Variants in TMEM132D observed in about 807,000 individuals in gnomAD.
TMEM132D encodes transmembrane protein 132D, also known as mature OL transmembrane protein.
TMEM132D carries 21 observed loss-of-function variants against 62.3 expected under a neutral mutation model. The observed-to-expected ratio is 0.34, with a 90% CI of 0.24 to 0.49. The LOEUF (loss-of-function observed/expected upper bound fraction) is 0.49. Among genes scored for constraint, TMEM132D ranks in the 20% least tolerant of loss-of-function variants. TMEM132D has a pLI of 0.99. For missense variants in TMEM132D, 1,346 were observed against 1,402.8 expected, an observed-to-expected ratio of 0.96 and a Z score of 0.65; for synonymous variants, 621 against 575.6, an observed-to-expected ratio of 1.08 and a Z score of -1.13.
chr12:129,577,835 T>C (rs1877719920), intron 2 of TMEM132D, among the ~76,000 whole-genome samples: 4 of 152,234 alleles, frequency 2.6e-5, no homozygotes, highest in Admixed American at 2.6e-4. Flanking sequence ...AGAGAATAGT[T>C]AATCGTATGT....
chr12:129,783,185 T>G (rs1040137284), intron 1 of TMEM132D, among the ~76,000 whole-genome samples: 1 of 152,176 alleles, frequency 6.6e-6, no homozygotes, highest in African/African-American at 2.4e-5. Flanking sequence ...CACATTTACA[T>G]GCACAGATCT....
chr12:129,708,272 A>G (rs1881552530), intron 1 of TMEM132D, among the ~76,000 whole-genome samples: 1 of 152,166 alleles, frequency 6.6e-6, no homozygotes, highest in African/African-American at 2.4e-5. Flanking sequence ...TTATCTAGCC[A>G]ATCAAATAAG....
intron 5 of TMEM132D, among the ~76,000 whole-genome samples, chr12:129,095,022 G>A (rs575762531): frequency 6.8e-5 from 10 of 147,946 alleles, no homozygotes; most frequent in African/African-American, 2.5e-4. Flanking sequence ...TCACACACCA[G>A]GGCCTGTCGT....
intron 4 of TMEM132D, among the ~76,000 whole-genome samples, chr12:129,217,972 T>A (rs1879254425): frequency 6.6e-6 from 1 of 152,166 alleles, no homozygotes; most frequent in African/African-American, 2.4e-5. Context: ...TCTCCCCTGG[T>A]CAAAAGTAGG....
intron 4 of TMEM132D, among the ~76,000 whole-genome samples, chr12:129,301,555 C>T (rs1881714356): frequency 6.6e-6 from 1 of 152,176 alleles, no homozygotes; most frequent in South Asian, 2.1e-4. Flanking sequence ...TGGGAACTCA[C>T]ACACATGTAG....
In TMEM132D at chr12:129,674,807, G is replaced by A. The variant is rs1428935362; in HGVS notation, c.968+25003C>T. Among the ~76,000 whole-genome samples the A allele has an allele frequency of 2.0e-5, 3 of 152,134 alleles. No individual in the cohort carries two copies. The East Asian group carries it at 5.8e-4, about 29-fold the overall frequency. ...ACCCACCTTGGCCTCCCAAAGGGCTGGGATTACAGGCGTGAGCCACCACGC... is the reference window on the plus strand; with the variant it reads ...ACCCACCTTGGCCTCCCAAAGGGCTAGGATTACAGGCGTGAGCCACCACGC... On this transcript the variant is annotated intron_variant, in intron 2 of 8. Transcript: ENST00000422113.
chr12:129,858,919 C>T (rs1288710277), intron 1 of TMEM132D, among the ~76,000 whole-genome samples: 1 of 127,334 alleles, frequency 7.9e-6, no homozygotes, highest in Non-Finnish European at 1.7e-5. Flanking sequence ...GGGATGGCTG[C>T]CCTTGTAACG....
At chr12:129,106,713 G>GT (rs1329545350) in intron 5 of TMEM132D, among the ~76,000 whole-genome samples, 1 of 152,074 alleles carries the variant, frequency 6.6e-6, no homozygotes, top group Non-Finnish European at 1.5e-5. Flanking sequence ...TGGTATGGTC[G>GT]TGTGGCGTGC....
chr12:129,738,618 C>A (rs1869502970), intron 1 of TMEM132D, among the ~76,000 whole-genome samples: 1 of 152,166 alleles, frequency 6.6e-6, no homozygotes, highest in Non-Finnish European at 1.5e-5. Context: ...AATTGGAAAT[C>A]TATAGATCTC....
chr12:129,762,910 C>G (rs1244762410), intron 1 of TMEM132D, among the ~76,000 whole-genome samples: 1 of 152,170 alleles, frequency 6.6e-6, no homozygotes, highest in East Asian at 1.9e-4. Flanking sequence ...GTTGTTCTTC[C>G]TACACCCTGC....
intron 5 of TMEM132D, among the ~76,000 whole-genome samples, chr12:129,092,861 G>C (rs1221830504): frequency 6.6e-6 from 1 of 152,124 alleles, no homozygotes; most frequent in Non-Finnish European, 1.5e-5. Context: ...TGCCAGATAA[G>C]AACATTGAAG....
At chr12:129,467,532 A>G (rs1240200358) in intron 3 of TMEM132D, among the ~76,000 whole-genome samples, 1 of 152,192 alleles carries the variant, frequency 6.6e-6, no homozygotes, top group Non-Finnish European at 1.5e-5. Context: ...GCTGGGTGAC[A>G]TCACTTGCAC....
chr12:129,779,434 GT>G lies in TMEM132D; in HGVS notation c.80-78737del, dbSNP rs1179028232. 6.6e-6 allele frequency among the ~76,000 whole-genome samples: 1 copy of G among 152,052 alleles called. No individual in the cohort carries two copies. The highest frequency in any genetic ancestry group is 2.4e-5 in the African/African-American group (1 of 41,398). Reference sequence around the variant, plus strand: ...CTCCCAAGTAGCAGGAACTGCAGGTGTCCACCCACCATGCCCAGCTAATATT... The same window carrying G: ...CTCCCAAGTAGCAGGAACTGCAGGTGCCACCCACCATGCCCAGCTAATATT... On this transcript the variant is annotated intron_variant, in intron 1 of 8. Coordinates refer to ENST00000422113, the MANE Select transcript of TMEM132D (RefSeq NM_133448.3). The surrounding 1 kb of genome is among the most constrained non-coding windows in gnomAD (Gnocchi z 4.1).
chr12:129,075,021 G>A lies in TMEM132D; in HGVS notation c.2154C>T (p.Gly718=), dbSNP rs564752066. ...CGTAAATATCCAAGGGCGTGACTGA[G>A]CCATCACTGAACTGGACCCAGCAAC... is the stretch of plus-strand genomic sequence containing the variant. ...AISCWVQFSD[G]SVTPLDIYDG... is the part of the protein sequence containing the mutation. Residue 718 remains glycine (G), a synonymous_variant, in exon 9 of 9, where the codon GGC becomes GGT. Coordinates refer to ENST00000422113, the MANE Select transcript of TMEM132D (RefSeq NM_133448.3). 112 of 1,612,266 alleles carry A rather than the reference G, an allele frequency of 6.9e-5. No individual in the cohort carries two copies. The South Asian group carries it at 1.2e-3, about 17-fold the overall frequency.
intron 3 of TMEM132D, among the ~76,000 whole-genome samples, chr12:129,455,225 A>G (rs916420525): frequency 2.0e-5 from 3 of 152,246 alleles, no homozygotes; most frequent in Non-Finnish European, 4.4e-5. Flanking sequence ...GACAAGAACA[A>G]TGCCTTAAAG....
At chr12:129,426,148 A>G (rs1872489675) in intron 3 of TMEM132D, among the ~76,000 whole-genome samples, 1 of 152,172 alleles carries the variant, frequency 6.6e-6, no homozygotes, top group Non-Finnish European at 1.5e-5. Context: ...AAGGGTCTGC[A>G]TGGCAGCTCC....
intron 2 of TMEM132D, among the ~76,000 whole-genome samples, chr12:129,699,526 C>T (rs935096587): frequency 6.6e-6 from 1 of 152,196 alleles, no homozygotes; most frequent in East Asian, 1.9e-4. Flanking sequence ...CCAAAACTTG[C>T]TGATAATACC....
At chr12:129,311,115 G>T (rs1418036513) in intron 4 of TMEM132D, among the ~76,000 whole-genome samples, 2 of 112,384 alleles carry the variant, frequency 1.8e-5, no homozygotes, top group Non-Finnish European at 3.4e-5. Context: ...GGAGAATGGC[G>T]TGAACCCGGG....
At chr12:129,202,551 A>G (rs746570082) in intron 5 of TMEM132D, among the ~76,000 whole-genome samples, 4 of 152,178 alleles carry the variant, frequency 2.6e-5, no homozygotes, top group Non-Finnish European at 4.4e-5. Flanking sequence ...GAGAGGAAAA[A>G]CATTTCTTTC....
Sources: allele counts gnomAD v4.1 joint callset (sites outside exome capture counted in the v4.1 genomes callset), GRCh38; gene constraint gnomAD v4.1.1; non-coding constraint Gnocchi (gnomAD v3.1); transcripts MANE v1.5; gene names NCBI Gene and HGNC (gene_info 2026-07-23, HGNC 2026-07-21).